Variants in ZNF578 observed in about 807,000 individuals in gnomAD.
The protein encoded by ZNF578 is Putative chemokine-related protein B42.
In ZNF578, 8 loss-of-function variants were observed where a neutral mutation model predicts 8.3. The ratio of observed to expected loss-of-function variants is 0.96; its 90% CI spans 0.56 to 1.74. The LOEUF is 1.74. ZNF578 is among the 40% of genes most tolerant of loss of function. The probability of loss-of-function intolerance (pLI) is 0.00; values close to 1 mark genes in which losing one functional copy is unlikely to be tolerated. For missense variants in ZNF578, 726 were observed against 707.5 expected (o/e 1.03, Z -0.30); for synonymous variants, 206 against 232.2 (o/e 0.89, Z 1.03).
intron 2 of ZNF578, among the ~76,000 whole-genome samples, chr19:52,490,219 C>G (rs1006863361): frequency 6.6e-6 from 1 of 152,130 alleles, no homozygotes; most frequent in African/African-American, 2.4e-5. Flanking sequence ...TAAAATTGCT[C>G]TATTGCCTGG....
At position 52,515,994 on chromosome 19, in the gene ZNF578, G is replaced by A. The variant is rs543246743; in HGVS notation, c.*3840G>A. Reference sequence around the variant, plus strand: ...CCCCTCACTGTGGCTCCACAGCCCCGTGTGCAGGGCCCCTGCCAGTGTCCA... The same window carrying A: ...CCCCTCACTGTGGCTCCACAGCCCCATGTGCAGGGCCCCTGCCAGTGTCCA... On this transcript the variant is annotated 3_prime_UTR_variant, in exon 6 of 6. Transcript: ENST00000421239. Among the ~76,000 whole-genome samples, 1 of 152,154 alleles carries A rather than the reference G, an allele frequency of 6.6e-6. No individual in the cohort carries two copies. The highest frequency in any genetic ancestry group is 1.5e-5 in the Non-Finnish European group (1 of 67,994).
intron 2 of ZNF578, among the ~76,000 whole-genome samples, chr19:52,466,567 A>G (rs905265443): frequency 1.3e-5 from 2 of 152,194 alleles, no homozygotes; most frequent in South Asian, 4.1e-4. Flanking sequence ...TTGATGAACT[A>G]AATGTTGATG....
chr19:52,477,174 G>T (rs1197678950), intron 2 of ZNF578, among the ~76,000 whole-genome samples: 1 of 152,146 alleles, frequency 6.6e-6, no homozygotes, highest in Non-Finnish European at 1.5e-5. Context: ...TGCTGGTAAA[G>T]GTCTCTAAAT....
At chr19:52,475,517 C>T (rs1009224299) in intron 2 of ZNF578, among the ~76,000 whole-genome samples, 2 of 152,080 alleles carry the variant, frequency 1.3e-5, no homozygotes, top group Non-Finnish European at 2.9e-5. Flanking sequence ...CCACCACGCC[C>T]AGCTAATTTT....
chr19:52,488,030 C>A (rs2059351810), intron 2 of ZNF578, among the ~76,000 whole-genome samples: 1 of 151,596 alleles, frequency 6.6e-6, no homozygotes, highest in Non-Finnish European at 1.5e-5. Context: ...TGTCAGCTCA[C>A]CACAAACTCC....
intron 5 of ZNF578, among the ~76,000 whole-genome samples, chr19:52,509,595 G>A (rs970253703): frequency 2.6e-5 from 4 of 151,972 alleles, no homozygotes; most frequent in Non-Finnish European, 5.9e-5. Context: ...GGTGAAACCC[G>A]GTCTCTACCA....
At chr19:52,506,283 T>C (rs1363250901) in intron 5 of ZNF578, among the ~76,000 whole-genome samples, 1 of 151,878 alleles carries the variant, frequency 6.6e-6, no homozygotes, top group East Asian at 1.9e-4. Flanking sequence ...TGTCGATGGA[T>C]ATCTGGGTTG....
At chr19:52,479,542 CAAAAAAA>C (rs34862610) in intron 2 of ZNF578, among the ~76,000 whole-genome samples, 3 of 64,266 alleles carry the variant, frequency 4.7e-5, no homozygotes, top group Non-Finnish European at 1.0e-4. Context: ...GACTCCATCT[CAAAAAAA>C]AAAAAAAAAA....
intron 2 of ZNF578, among the ~76,000 whole-genome samples, chr19:52,488,374 G>A (rs1322467811): frequency 6.6e-6 from 1 of 151,862 alleles, no homozygotes; most frequent in African/African-American, 2.4e-5. Flanking sequence ...CCAACACAGT[G>A]AAACTCAATC....
intron 2 of ZNF578, among the ~76,000 whole-genome samples, chr19:52,469,437 G>C (rs116311478): frequency 6.6e-6 from 1 of 152,132 alleles, no homozygotes; most frequent in African/African-American, 2.4e-5. Context: ...TGGGAATACA[G>C]GTGTGAGCCA....
At chr19:52,484,344 A>G (rs939914711) in intron 2 of ZNF578, among the ~76,000 whole-genome samples, 1 of 152,112 alleles carries the variant, frequency 6.6e-6, no homozygotes, top group African/African-American at 2.4e-5. Context: ...TCTTATCTCA[A>G]CTGCAAAGAG....
chr19:52,460,726 G>C (rs779660345), intron 2 of ZNF578, among the ~76,000 whole-genome samples: 1 of 152,046 alleles, frequency 6.6e-6, no homozygotes, highest in Non-Finnish European at 1.5e-5. Context: ...AATCAGTGTC[G>C]TAAGGTTTTC....
chr19:52,486,115 A>G (rs1240660757), intron 2 of ZNF578, among the ~76,000 whole-genome samples: 2 of 152,240 alleles, frequency 1.3e-5, no homozygotes, highest in Non-Finnish European at 2.9e-5. Context: ...AAACGGCCTT[A>G]GGGCTGGAGG....
chr19:52,481,565 T>C (rs529652875), intron 2 of ZNF578, among the ~76,000 whole-genome samples: 23 of 152,324 alleles, frequency 1.5e-4, no homozygotes, highest in African/African-American at 4.8e-4. Context: ...ATGTACAATC[T>C]ATAAATCTTG....
rs766896681 is a variant in ZNF578 at position 52,510,653 on chromosome 19, A to G, written c.272A>G (p.Gln91Arg). ...NTEVIHTGML[Q>R]RHESYHTGDF... The stretch of plus-strand genomic sequence containing the variant: ...GAAGTGATCCACACAGGGATGTTGC[A>G]AAGACATGAAAGTTATCACACTGGA... Residue 91 changes from glutamine (Q) to arginine (R), a missense_variant, in exon 6 of 6, where the codon CAA becomes CGA. Transcript: ENST00000421239. 5.6e-6 allele frequency: 9 copies of G among 1,611,512 alleles called. No individual in the cohort carries two copies. The highest frequency in any genetic ancestry group is 7.6e-6 in the Non-Finnish European group (9 of 1,179,016).
Position 52,511,931 on chromosome 19 carries a change from G to A in ZNF578, c.1550G>A (p.Gly517Glu). The part of the protein sequence containing the change: ...GEKPYKCNEC[G>E]KTFNVQSHLS... ...AAACCTTACAAGTGTAATGAATGTG[G>A]GAAGACTTTTAATGTACAGTCACAC... The change falls in exon 6 of 6, where the codon GGG (glycine) becomes GAG (glutamate). Residue 517 changes from glycine (G) to glutamate (E), a missense_variant. By Grantham distance (98) the Gly-to-Glu change is moderately conservative (BLOSUM62 -2). Coordinates refer to ENST00000421239, the MANE Select transcript of ZNF578 (RefSeq NM_001099694.2). 2 of 1,613,756 alleles carry A rather than the reference G, an allele frequency of 1.2e-6. No homozygotes were observed. The highest frequency in any genetic ancestry group is 1.1e-5 in the South Asian group (1 of 91,060).
intron 2 of ZNF578, among the ~76,000 whole-genome samples, chr19:52,469,416 T>C (rs1401184377): frequency 6.6e-6 from 1 of 152,130 alleles, no homozygotes; most frequent in Non-Finnish European, 1.5e-5. Context: ...TGCCTTGGCC[T>C]CCCAAAGTAC....
At chr19:52,500,876 ACT>A (rs10561442) in intron 3 of ZNF578, among the ~76,000 whole-genome samples, 15,333 of 90,322 alleles carry the variant, frequency 0.17, 719 homozygotes, top group African/African-American at 0.25. Context: ...GTTTTGTGTG[ACT>A]TTTTTTTTTT....
intron 2 of ZNF578, among the ~76,000 whole-genome samples, chr19:52,464,325 T>G (rs1004913982): frequency 6.6e-6 from 1 of 152,192 alleles, no homozygotes; most frequent in Non-Finnish European, 1.5e-5. Flanking sequence ...CGGGTGTTAG[T>G]CCTCTTTTAC....
Sources: gnomAD v4.1 joint callset for allele counts (sites outside exome capture counted in the v4.1 genomes callset) on GRCh38, gnomAD v4.1.1 for gene constraint, MANE v1.5 for transcripts, NCBI Gene and HGNC (gene_info 2026-07-23, HGNC 2026-07-21) for gene names.